The following SLCO5A1 variants were observed in gnomAD, a reference collection of about 807,000 sequenced individuals.
SLCO5A1 encodes organic anion transporter polypeptide-related protein 4.
SLCO5A1 carries 39 observed loss-of-function variants against 65.1 expected under a neutral mutation model. The observed-to-expected ratio is 0.60, with a 90% CI of 0.46 to 0.78. The LOEUF is 0.78. Ranked by LOEUF, SLCO5A1 falls within the 30% of genes least tolerant of loss-of-function variation. SLCO5A1 has a pLI of 0.00. For synonymous variants in SLCO5A1, 438 were observed against 415.7 expected (o/e 1.05, Z -0.65); for missense variants, 1,029 against 1,069.4 (o/e 0.96, Z 0.53).
At chr8:69,749,623 CA>C (rs376944787) in intron 4 of SLCO5A1, among the ~76,000 whole-genome samples, 1,454 of 131,894 alleles carry the variant, frequency 0.011, 20 homozygotes, top group African/African-American at 0.038. Flanking sequence ...AAGACAGTCT[CA>C]AAAAAAAAAG....
At chr8:69,679,028 G>A (rs188517652) in intron 8 of SLCO5A1, among the ~76,000 whole-genome samples, 17 of 152,250 alleles carry the variant, frequency 1.1e-4, no homozygotes, top group Non-Finnish European at 2.2e-4. Flanking sequence ...CCCTCCTCTG[G>A]GGTCCAGCTT....
intron 2 of SLCO5A1, among the ~76,000 whole-genome samples, chr8:69,826,183 G>T (rs1820904137): frequency 6.6e-6 from 1 of 152,056 alleles, no homozygotes; most frequent in Non-Finnish European, 1.5e-5. Flanking sequence ...AACCCTAGAA[G>T]AAAACCTAGG....
chr8:69,783,107 A>C (rs1818868193), intron 2 of SLCO5A1, among the ~76,000 whole-genome samples: 1 of 152,202 alleles, frequency 6.6e-6, no homozygotes, highest in Non-Finnish European at 1.5e-5. Context: ...AATGTCAGCT[A>C]TAACAATGAT....
At chr8:69,724,376 T>C (rs1815967491) in intron 5 of SLCO5A1, among the ~76,000 whole-genome samples, 1 of 152,214 alleles carries the variant, frequency 6.6e-6, no homozygotes. Context: ...CCTACATTTC[T>C]AAATAACCAC....
chr8:69,740,698 G>A (rs921126957), intron 4 of SLCO5A1, among the ~76,000 whole-genome samples: 1 of 152,182 alleles, frequency 6.6e-6, no homozygotes, highest in Non-Finnish European at 1.5e-5. Flanking sequence ...AACTGGAGCA[G>A]AGATAATACA....
chr8:69,689,788 G>A (rs1814164489), intron 6 of SLCO5A1, among the ~76,000 whole-genome samples: 1 of 151,552 alleles, frequency 6.6e-6, no homozygotes, highest in Non-Finnish European at 1.5e-5. Flanking sequence ...CTCCAGCTTT[G>A]TTCTTTTGGC....
At chr8:69,685,687 G>C (rs536218808) in intron 6 of SLCO5A1, among the ~76,000 whole-genome samples, 46 of 152,222 alleles carry the variant, frequency 3.0e-4, no homozygotes, top group African/African-American at 1.1e-3. Flanking sequence ...GGATCTCTGA[G>C]ATTATCTGGC....
At chr8:69,710,376 T>G (rs186203208) in intron 5 of SLCO5A1, among the ~76,000 whole-genome samples, 2 of 152,182 alleles carry the variant, frequency 1.3e-5, no homozygotes, top group Admixed American at 1.3e-4. Context: ...GCCTGCTCTA[T>G]AGTGCACAGC....
At position 69,833,097 on chromosome 8, in the gene SLCO5A1, C is replaced by A; in HGVS notation, c.-424G>T. The A allele has an allele frequency of 5.8e-6, 1 of 171,210 alleles. No individual in the cohort carries two copies. Among genetic ancestry groups the A allele is most frequent in the Non-Finnish European group, 1.2e-5 (1 of 81,178 alleles). The allele number at this position is 171,210 out of a possible 1,614,324, so 10.6% of individuals were successfully genotyped here. On this transcript the variant is annotated 5_prime_UTR_variant, in exon 2 of 10. Coordinates refer to ENST00000260126, the MANE Select transcript of SLCO5A1 (RefSeq NM_030958.3). ...TAGCGCTGCTGTCCGTACAGCATCC[C>A]ACCTCGCTGCGCCAGGGGTACCGGG...
intron 5 of SLCO5A1, among the ~76,000 whole-genome samples, chr8:69,705,494 A>G (rs1586704958): frequency 6.6e-6 from 1 of 152,220 alleles, no homozygotes; most frequent in East Asian, 1.9e-4. Flanking sequence ...GTAAAACTTG[A>G]ATAAGTTCTT....
At chr8:69,703,727 G>A (rs1814849320) in intron 6 of SLCO5A1, among the ~76,000 whole-genome samples, 1 of 152,196 alleles carries the variant, frequency 6.6e-6, no homozygotes, top group Non-Finnish European at 1.5e-5. Context: ...TGGATGACAA[G>A]ATTCTACTGC....
intron 2 of SLCO5A1, among the ~76,000 whole-genome samples, chr8:69,817,038 T>A (rs1350736641): frequency 6.6e-6 from 1 of 152,212 alleles, no homozygotes; most frequent in Non-Finnish European, 1.5e-5. Context: ...ATCATCTTAA[T>A]CATGTGTAAA....
Position 69,726,514 on chromosome 8 carries a change from T to TGGA in SLCO5A1, c.1423+11525_1423+11526insTCC, listed in dbSNP as rs1554613256. 4.7e-3 allele frequency among the ~76,000 whole-genome samples: 641 copies of TGGA among 137,394 alleles called. 4 individuals are homozygous for TGGA. The highest frequency in any genetic ancestry group is 0.017 in the African/African-American group (610 of 36,738). 90.1% of individuals were successfully genotyped at this position (137,394 alleles called of 152,430 possible). A position where few individuals can be genotyped will look rare whatever the true frequency, so the allele number is the denominator to read the frequency against. ...CTACCTCCTTTTTTTTTTTTTTTTT[T>TGGA]GGGGGGACAGAGTCTCACTCTGTTG... is the stretch of plus-strand genomic sequence containing the variant. On this transcript the variant is annotated intron_variant, in intron 5 of 9. Transcript: ENST00000260126.
chr8:69,804,123 C>G (rs1301156694), intron 2 of SLCO5A1, among the ~76,000 whole-genome samples: 1 of 151,992 alleles, frequency 6.6e-6, no homozygotes, highest in African/African-American at 2.4e-5. Context: ...AGCGAGAGAC[C>G]ATGCAAAAGT....
At chr8:69,714,173 A>G (rs1047012917) in intron 5 of SLCO5A1, among the ~76,000 whole-genome samples, 1 of 152,176 alleles carries the variant, frequency 6.6e-6, no homozygotes, top group Non-Finnish European at 1.5e-5. Context: ...CCCTTCATAA[A>G]CAATGAACAA....
At chr8:69,715,022 A>G (rs1815446786) in intron 5 of SLCO5A1, 1 of 152,230 alleles carries the variant, frequency 6.6e-6, no homozygotes, top group Admixed American at 6.5e-5. Flanking sequence ...GAGAATGCTG[A>G]GCTGTTTTAT....
chr8:69,728,129 T>C (rs962394219), intron 5 of SLCO5A1, among the ~76,000 whole-genome samples: 3 of 152,146 alleles, frequency 2.0e-5, no homozygotes, highest in African/African-American at 7.2e-5. Context: ...CTAGACTGTA[T>C]GGTACAGAAC....
At chr8:69,695,931 T>A (rs1233835917) in intron 6 of SLCO5A1, among the ~76,000 whole-genome samples, 2 of 152,116 alleles carry the variant, frequency 1.3e-5, no homozygotes, top group African/African-American at 4.8e-5. Context: ...CTTGAAGAAA[T>A]GGGTTTAAAA....
intron 5 of SLCO5A1, among the ~76,000 whole-genome samples, chr8:69,725,100 C>G (rs1445201634): frequency 6.6e-6 from 1 of 151,984 alleles, no homozygotes; most frequent in Non-Finnish European, 1.5e-5. Context: ...CTTCAAAAAC[C>G]CTCTAAAATG....
Sources: gnomAD v4.1 joint callset for allele counts (sites outside exome capture counted in the v4.1 genomes callset) on GRCh38, gnomAD v4.1.1 for gene constraint, MANE v1.5 for transcripts, NCBI Gene and HGNC (gene_info 2026-07-23, HGNC 2026-07-21) for gene names.